Variants in RPS6KA2 observed in about 807,000 individuals in gnomAD.
RPS6KA2 encodes the protein ribosomal protein S6 kinase A2.
In RPS6KA2, 42 loss-of-function variants were observed where a neutral mutation model predicts 91.8. That is an observed-to-expected ratio of 0.46 (90% CI 0.36 to 0.59). The LOEUF (loss-of-function observed/expected upper bound fraction) is 0.59, where lower values mean the gene tolerates loss of function less well. Ranked by LOEUF, RPS6KA2 falls within the 20% of genes least tolerant of loss-of-function variation. RPS6KA2 has a pLI of 0.00. For missense variants in RPS6KA2, 798 were observed against 978.5 expected (o/e 0.82, Z 2.46); for synonymous variants, 414 against 393.6 (o/e 1.05, Z -0.61).
intron 2 of RPS6KA2, among the ~76,000 whole-genome samples, chr6:166,535,290 G>GCT (rs1198677467): frequency 6.6e-6 from 1 of 152,134 alleles, no homozygotes; most frequent in Non-Finnish European, 1.5e-5. Flanking sequence ...AGAATTCTCA[G>GCT]CTCTCTCTCA....
At chr6:166,610,490 C>T (rs1242865969) in intron 1 of RPS6KA2, among the ~76,000 whole-genome samples, 2 of 152,226 alleles carry the variant, frequency 1.3e-5, no homozygotes, top group Non-Finnish European at 1.5e-5. Flanking sequence ...CTGGGTTACA[C>T]ACTTCATGAG....
intron 2 of RPS6KA2, among the ~76,000 whole-genome samples, chr6:166,790,380 C>T (rs1779051855): frequency 6.6e-6 from 1 of 152,228 alleles, no homozygotes; most frequent in Non-Finnish European, 1.5e-5. Flanking sequence ...ACCAAATCTA[C>T]ATCAGATAGG....
At chr6:166,775,815 G>A (rs1446759357) in intron 2 of RPS6KA2, among the ~76,000 whole-genome samples, 1 of 152,230 alleles carries the variant, frequency 6.6e-6, no homozygotes, top group Non-Finnish European at 1.5e-5. Flanking sequence ...GGGATTCCAC[G>A]GCTGGAGCTC....
At chr6:166,660,405 T>C (rs1028946279) in intron 2 of RPS6KA2, among the ~76,000 whole-genome samples, 107 of 151,292 alleles carry the variant, frequency 7.1e-4, no homozygotes, top group African/African-American at 1.9e-3. Flanking sequence ...TGCGTGTGTG[T>C]GTGTGTGTGT....
intron 1 of RPS6KA2, among the ~76,000 whole-genome samples, chr6:166,572,813 T>C (rs1169868489): frequency 6.6e-6 from 1 of 152,212 alleles, no homozygotes; most frequent in Non-Finnish European, 1.5e-5. Context: ...TCTACCCTCA[T>C]GCAGGGTGTG....
At chr6:166,644,767 A>G (rs1334023034) in intron 2 of RPS6KA2, among the ~76,000 whole-genome samples, 1 of 152,182 alleles carries the variant, frequency 6.6e-6, no homozygotes, top group Non-Finnish European at 1.5e-5. Context: ...TGTGAACATG[A>G]CCTCACTTGG....
chr6:166,710,310 G>A (rs1039489220), intron 2 of RPS6KA2, among the ~76,000 whole-genome samples: 1 of 152,110 alleles, frequency 6.6e-6, no homozygotes. Flanking sequence ...CAGTTATATT[G>A]GACAGATCAT....
chr6:166,586,874 C>G (rs774428967), intron 1 of RPS6KA2, among the ~76,000 whole-genome samples: 1 of 152,204 alleles, frequency 6.6e-6, no homozygotes, highest in Non-Finnish European at 1.5e-5. Flanking sequence ...CTGCCATAGA[C>G]TGGGGCTCCC....
chr6:166,475,380 G>A (rs750810904), intron 10 of RPS6KA2, among the ~76,000 whole-genome samples: 9 of 152,100 alleles, frequency 5.9e-5, no homozygotes, highest in South Asian at 2.1e-4. Flanking sequence ...CCACTCACCC[G>A]TCACCCAGGC....
intron 5 of RPS6KA2, among the ~76,000 whole-genome samples, chr6:166,504,877 C>A (rs188932831): frequency 4.6e-5 from 7 of 152,246 alleles, no homozygotes; most frequent in Admixed American, 4.6e-4. Context: ...TGAGATTCAG[C>A]CTCTCCTCTC....
rs1778443072 is a variant in RPS6KA2, at chr6:166,770,751, C to T, written c.123+87449G>A. 10 of 1,042,768 alleles carry T rather than the reference C, an allele frequency of 9.6e-6. No homozygotes were observed. Among genetic ancestry groups the T allele is most frequent in the Middle Eastern group, 4.2e-4 (2 of 4,734 alleles). The allele number at this position is 1,042,768 out of a possible 1,614,324, so 64.6% of individuals were successfully genotyped here. A position where few individuals can be genotyped will look rare whatever the true frequency, so the allele number is the denominator to read the frequency against. On this transcript the variant is annotated intron_variant, in intron 2 of 21. Coordinates refer to the RPS6KA2 transcript ENST00000503859. This position sits in a 1 kb window ranked among gnomAD's most constrained non-coding sequence, Gnocchi z 5.1. Reference sequence around the variant, plus strand: ...CTTCGCACCTTGCCTTGCTGGACTCCGGGCACCGTGAAACAACTCAATAAA... The same window carrying T: ...CTTCGCACCTTGCCTTGCTGGACTCTGGGCACCGTGAAACAACTCAATAAA...
At chr6:166,604,337 A>G (rs1361987068) in intron 1 of RPS6KA2, among the ~76,000 whole-genome samples, 16 of 152,236 alleles carry the variant, frequency 1.1e-4, no homozygotes, top group Admixed American at 1.0e-3. Context: ...CGTTTCCCCA[A>G]ATAGGTTTGC....
intron 2 of RPS6KA2, among the ~76,000 whole-genome samples, chr6:166,801,334 T>C (rs961578341): frequency 4.1e-5 from 1 of 24,510 alleles, no homozygotes; most frequent in Non-Finnish European, 9.6e-5. Flanking sequence ...GGAGGTTTAT[T>C]TTATTTTATT....
chr6:166,474,855 G>A (rs1273990899), intron 10 of RPS6KA2, among the ~76,000 whole-genome samples: 9 of 152,088 alleles, frequency 5.9e-5, no homozygotes, highest in African/African-American at 1.9e-4. Flanking sequence ...CATCTCAGCC[G>A]GGAGCAGCGC....
At chr6:166,585,629 G>GA (rs1785149928) in intron 1 of RPS6KA2, among the ~76,000 whole-genome samples, 2 of 50,548 alleles carry the variant, frequency 4.0e-5, no homozygotes, top group African/African-American at 1.6e-4. Context: ...CTTAACAAAT[G>GA]CAAAAAAAAA....
At chr6:166,449,817 A>ACAACCACGAGG (rs1779801134) in intron 13 of RPS6KA2, among the ~76,000 whole-genome samples, 1 of 135,278 alleles carries the variant, frequency 7.4e-6, no homozygotes, top group Admixed American at 7.4e-5. Context: ...CCACCATGGG[A>ACAACCACGAGG]ACCACCACAG....
intron 2 of RPS6KA2, among the ~76,000 whole-genome samples, chr6:166,853,802 C>T (rs1456096994): frequency 6.6e-6 from 1 of 152,244 alleles, no homozygotes; most frequent in East Asian, 1.9e-4. Flanking sequence ...GAGCTTGTTT[C>T]CTGCACGGAG....
chr6:166,838,879 A>G (rs1046514071), intron 2 of RPS6KA2, among the ~76,000 whole-genome samples: 3 of 137,738 alleles, frequency 2.2e-5, no homozygotes, highest in Non-Finnish European at 4.4e-5. Flanking sequence ...TAATCTCACC[A>G]GGGCCCTCAT....
intron 2 of RPS6KA2, among the ~76,000 whole-genome samples, chr6:166,698,255 G>C (rs755481287): frequency 9.9e-5 from 15 of 152,202 alleles, no homozygotes; most frequent in South Asian, 2.1e-4. Context: ...CACCAGAAGG[G>C]AAGAAGAGGA....
Sources: gnomAD v4.1 joint callset for allele counts (sites outside exome capture counted in the v4.1 genomes callset) on GRCh38, gnomAD v4.1.1 for gene constraint, Gnocchi (gnomAD v3.1) non-coding constraint, MANE v1.5 for transcripts, NCBI Gene and HGNC (gene_info 2026-07-23, HGNC 2026-07-21) for gene names.